The following CDH9 variants were observed in gnomAD, a reference collection of about 807,000 sequenced individuals.
The protein encoded by CDH9 is cadherin-9.
In CDH9, 28 loss-of-function variants were observed where a neutral mutation model predicts 70.9. The ratio of observed to expected loss-of-function variants is 0.40; its 90% CI spans 0.29 to 0.54. The LOEUF (loss-of-function observed/expected upper bound fraction) is 0.54, where lower values mean the gene tolerates loss of function less well. Among genes scored for constraint, CDH9 ranks in the 20% least tolerant of loss-of-function variants. The pLI, the probability that CDH9 is intolerant of heterozygous loss-of-function variation, is 0.59. For synonymous variants in CDH9, 409 were observed against 343.1 expected (o/e 1.19, Z -2.12); for missense variants, 874 against 984.4 (o/e 0.89, Z 1.50).
intron 2 of CDH9, among the ~76,000 whole-genome samples, chr5:26,948,209 C>A (rs1425852242): frequency 1.2e-4 from 19 of 152,158 alleles, no homozygotes; most frequent in Non-Finnish European, 2.9e-5. Context: ...ACAGCAAGAA[C>A]AACAACACGG....
intron 1 of CDH9, among the ~76,000 whole-genome samples, chr5:27,019,923 G>A (rs1190355685): frequency 2.0e-5 from 3 of 151,836 alleles, no homozygotes; most frequent in Non-Finnish European, 4.4e-5. Context: ...TCCAAACAAT[G>A]ATTGCAATTT....
intron 1 of CDH9, among the ~76,000 whole-genome samples, chr5:26,994,926 A>G (rs1260299311): frequency 1.3e-5 from 2 of 152,008 alleles, no homozygotes; most frequent in Non-Finnish European, 2.9e-5. Context: ...CAGTTTTTAT[A>G]TTATATTCTG....
intron 2 of CDH9, among the ~76,000 whole-genome samples, chr5:26,922,727 G>C (rs1474944879): frequency 1.3e-5 from 2 of 151,952 alleles, no homozygotes; most frequent in Non-Finnish European, 2.9e-5. Context: ...TGTAATTACT[G>C]TGTATAAACT....
intron 1 of CDH9, among the ~76,000 whole-genome samples, chr5:27,000,464 C>T (rs959193725): frequency 3.3e-5 from 5 of 152,064 alleles, no homozygotes; most frequent in African/African-American, 4.8e-5. Flanking sequence ...AGATTCTACA[C>T]ACCCATACAC....
chr5:26,964,663 G>T (rs1007919821), intron 2 of CDH9, among the ~76,000 whole-genome samples: 4 of 151,840 alleles, frequency 2.6e-5, no homozygotes, highest in African/African-American at 9.7e-5. Context: ...TTAAGTTCTG[G>T]GGTACATTTG....
chr5:26,960,554 G>A (rs1742016910), intron 2 of CDH9, among the ~76,000 whole-genome samples: 1 of 151,866 alleles, frequency 6.6e-6, no homozygotes. Context: ...TTAGATTAAA[G>A]AAGAAAATTC....
At chr5:27,022,472 A>G (rs1380962120) in intron 1 of CDH9, among the ~76,000 whole-genome samples, 1 of 152,122 alleles carries the variant, frequency 6.6e-6, no homozygotes, top group Non-Finnish European at 1.5e-5. Flanking sequence ...ACATAGCACA[A>G]TGTTATAGTT....
At chr5:26,965,966 T>C (rs1188159979) in intron 2 of CDH9, among the ~76,000 whole-genome samples, 1 of 152,198 alleles carries the variant, frequency 6.6e-6, no homozygotes, top group Admixed American at 6.5e-5. Context: ...GATGAACTTA[T>C]GTTATATTAT....
At chr5:26,885,924 C>A (rs770766486) in intron 10 of CDH9, 42 bp downstream of exon 10, 3 of 1,592,010 alleles carry the variant, frequency 1.9e-6, no homozygotes, top group Non-Finnish European at 2.6e-6. Flanking sequence ...AACTGTGTAT[C>A]TTAAAGTTTC....
chr5:26,926,057 T>C (rs951567364), intron 2 of CDH9, among the ~76,000 whole-genome samples: 2 of 152,106 alleles, frequency 1.3e-5, no homozygotes, highest in African/African-American at 2.4e-5. Context: ...TCTCTCACCA[T>C]TCCTATTCAA....
Position 26,881,537 on chromosome 5 carries a change from C to A in CDH9, c.1969G>T (p.Val657Leu). The change falls in exon 12 of 12, where the codon GTG (valine) becomes TTG (leucine). Residue 657 changes from valine (V) to leucine (L), a missense_variant. Val to Leu is a conservative substitution (Grantham distance 32). Coordinates refer to ENST00000231021, the MANE Select transcript of CDH9 (RefSeq NM_016279.4). ...CCGCCGCCTTCATCGTTGTAGGTCA[C>A]AATGTTGTCCCGGACATCGTCTTTT... is the stretch of plus-strand genomic sequence containing the variant. The part of the protein sequence containing the change: ...ISKDDVRDNI[V>L]TYNDEGGGEE... 1.2e-6 allele frequency: 2 copies of A among 1,613,784 alleles called. No individual in the cohort carries two copies. The highest frequency in any genetic ancestry group is 1.7e-6 in the Non-Finnish European group (2 of 1,179,800).
intron 2 of CDH9, among the ~76,000 whole-genome samples, chr5:26,956,005 C>T (rs970669474): frequency 1.3e-5 from 2 of 152,130 alleles, no homozygotes; most frequent in Non-Finnish European, 2.9e-5. Flanking sequence ...GCCATTTTAA[C>T]AGTATTAAGA....
chr5:26,887,038 C>T (rs1442230364), intron 9 of CDH9, among the ~76,000 whole-genome samples: 1 of 152,018 alleles, frequency 6.6e-6, no homozygotes, highest in South Asian at 2.1e-4. Context: ...TACTGTATAC[C>T]TTTTATAACT....
intron 1 of CDH9, among the ~76,000 whole-genome samples, chr5:27,012,658 C>A (rs1742978768): frequency 6.6e-6 from 1 of 151,858 alleles, no homozygotes; most frequent in African/African-American, 2.4e-5. Flanking sequence ...ATCTACAAGA[C>A]CCAAAAAATC....
rs537961812 is a variant in CDH9, at chr5:26,930,670, G to A, written c.229-14746C>T. ...TGTCATTTTACTTCTTTTTTAACCT[G>A]TTATTAATTGCAAAGGTATAACAAA... On this transcript the variant is annotated intron_variant, in intron 2 of 11. Transcript: ENST00000231021. Among the ~76,000 whole-genome samples, 219 of 152,150 alleles carry A rather than the reference G, an allele frequency of 1.4e-3. 1 individual carries two copies. The highest frequency in any genetic ancestry group is 5.1e-3 in the African/African-American group (212 of 41,540).
At chr5:27,033,481 T>TAGAC (rs923290395) in intron 1 of CDH9, among the ~76,000 whole-genome samples, 31 of 148,924 alleles carry the variant, frequency 2.1e-4, no homozygotes, top group South Asian at 4.2e-4. Flanking sequence ...GACAGACAGA[T>TAGAC]AGACAGACAG....
At chr5:26,946,681 A>G (rs1035847855) in intron 2 of CDH9, among the ~76,000 whole-genome samples, 1 of 152,202 alleles carries the variant, frequency 6.6e-6, no homozygotes, top group African/African-American at 2.4e-5. Context: ...AGTTATTCTC[A>G]TCGCTGGTAC....
At chr5:26,924,181 T>C (rs975800728) in intron 2 of CDH9, among the ~76,000 whole-genome samples, 1 of 151,260 alleles carries the variant, frequency 6.6e-6, no homozygotes. Context: ...AGTAAATAAG[T>C]AAAATAAGTA....
chr5:27,006,562 C>T (rs1742868481), intron 1 of CDH9, among the ~76,000 whole-genome samples: 1 of 152,138 alleles, frequency 6.6e-6, no homozygotes, highest in South Asian at 2.1e-4. Context: ...CTGCTCCCAA[C>T]CGGTGTTTCT....
Sources: allele counts gnomAD v4.1 joint callset (sites outside exome capture counted in the v4.1 genomes callset), GRCh38; gene constraint gnomAD v4.1.1; transcripts MANE v1.5; gene names NCBI Gene and HGNC (gene_info 2026-07-23, HGNC 2026-07-21).